The following DCDC2C variants were observed in gnomAD, a reference collection of about 807,000 sequenced individuals.
The protein encoded by DCDC2C is doublecortin domain-containing protein 2C.
DCDC2C carries 44 observed loss-of-function variants against 45.0 expected under a neutral mutation model. That is an observed-to-expected ratio of 0.98 (90% CI 0.77 to 1.26). DCDC2C has a LOEUF of 1.26. DCDC2C is among the 50% of genes most tolerant of loss of function. The probability of loss-of-function intolerance (pLI) is 0.00; values close to 1 mark genes in which losing one functional copy is unlikely to be tolerated. For missense variants in DCDC2C, 447 were observed against 468.9 expected, an observed-to-expected ratio of 0.95 and a Z score of 0.43; for synonymous variants, 187 against 178.8, an observed-to-expected ratio of 1.05 and a Z score of -0.37.
chr2:3,732,582 T>C (rs1293922495), intron 3 of DCDC2C, among the ~76,000 whole-genome samples: 1 of 152,180 alleles, frequency 6.6e-6, no homozygotes, highest in Non-Finnish European at 1.5e-5. Flanking sequence ...GATCTCATAC[T>C]TTCAAACTGT....
intron 10 of DCDC2C, among the ~76,000 whole-genome samples, chr2:3,808,389 G>A (rs928956548): frequency 2.6e-5 from 4 of 151,882 alleles, no homozygotes; most frequent in Non-Finnish European, 5.9e-5. Context: ...TGAGAGCTCT[G>A]TTTGAAAATT....
At chr2:3,750,005 C>T (rs1005215183) in intron 4 of DCDC2C, among the ~76,000 whole-genome samples, 5 of 151,986 alleles carry the variant, frequency 3.3e-5, no homozygotes, top group Admixed American at 1.3e-4. Flanking sequence ...CCTCTACCCC[C>T]CTCCACCCCA....
chr2:3,823,166 T>G (rs1392268902), intron 10 of DCDC2C, among the ~76,000 whole-genome samples: 1 of 152,242 alleles, frequency 6.6e-6, no homozygotes, highest in Non-Finnish European at 1.5e-5. Flanking sequence ...CTGTAAATTT[T>G]ATTGTGTTTT....
At chr2:3,805,529 T>C (rs1363102122) in intron 10 of DCDC2C, among the ~76,000 whole-genome samples, 1 of 152,238 alleles carries the variant, frequency 6.6e-6, no homozygotes, top group African/African-American at 2.4e-5. Flanking sequence ...TCAGCTGCAG[T>C]GACCCTTGAA....
At position 3,703,824 on chromosome 2, in the gene DCDC2C, G is replaced by A; in HGVS notation, c.73G>A (p.Asp25Asn). 1 of 1,265,666 alleles carries A rather than the reference G, an allele frequency of 7.9e-7. No homozygotes were observed. Among genetic ancestry groups the A allele is most frequent in the Non-Finnish European group, 1.0e-6 (1 of 1,001,350 alleles). The allele number at this position is 1,265,666 out of a possible 1,614,324, so 78.4% of individuals were successfully genotyped here. Residue 25 changes from aspartate (D) to asparagine (N), a missense_variant, in exon 1 of 11, where the codon GAC becomes AAC. Transcript: ENST00000399143. This position sits in a 1 kb window ranked among gnomAD's most constrained non-coding sequence, Gnocchi z 4.4. The stretch of plus-strand genomic sequence containing the variant: ...GACCATCGTGGTGTACCGCAACGGG[G>A]ACCCGTTCTACGTGGGCAAGAAGTT... The part of the protein sequence containing the change: ...AKTIVVYRNG[D>N]PFYVGKKFVL...
chr2:3,846,292 G>T (rs11679758), intron 10 of DCDC2C, among the ~76,000 whole-genome samples: 18,054 of 146,150 alleles, frequency 0.12, 1,357 homozygotes, highest in East Asian at 0.41. Flanking sequence ...CCTCCTCCTT[G>T]TTCTTGTGAC....
At chr2:3,826,332 A>G (rs1025475050) in intron 10 of DCDC2C, among the ~76,000 whole-genome samples, 11 of 152,140 alleles carry the variant, frequency 7.2e-5, no homozygotes, top group African/African-American at 2.7e-4. Flanking sequence ...TTTTCCAATT[A>G]TAGTTTTAAA....
chr2:3,835,234 G>A (rs1286308955), intron 10 of DCDC2C, among the ~76,000 whole-genome samples: 2 of 152,310 alleles, frequency 1.3e-5, no homozygotes, highest in East Asian at 3.9e-4. Flanking sequence ...TTACTTTTAA[G>A]AATGTGTGAA....
At chr2:3,834,157 C>T (rs184470220) in intron 10 of DCDC2C, among the ~76,000 whole-genome samples, 1 of 146,072 alleles carries the variant, frequency 6.8e-6, no homozygotes, top group Non-Finnish European at 1.5e-5. Context: ...CAGAGTGGTA[C>T]ATTTGTTACA....
intron 2 of DCDC2C, among the ~76,000 whole-genome samples, chr2:3,716,566 A>G (rs79388923): frequency 0.02 from 3,059 of 152,294 alleles, 45 homozygotes; most frequent in Non-Finnish European, 0.033. Context: ...AGAGAAATGT[A>G]GAGGTAACTG....
At chr2:3,799,355 C>A (rs1671046600) in intron 10 of DCDC2C, among the ~76,000 whole-genome samples, 1 of 151,864 alleles carries the variant, frequency 6.6e-6, no homozygotes, top group East Asian at 1.9e-4. Flanking sequence ...TCATCTGAAG[C>A]CTTCTCTCAG....
chr2:3,794,930 G>A (rs2148194403), intron 10 of DCDC2C, among the ~76,000 whole-genome samples: 1 of 152,204 alleles, frequency 6.6e-6, no homozygotes, highest in South Asian at 2.1e-4. Flanking sequence ...GATCCCTGAG[G>A]AATCGCCACA....
At chr2:3,788,260 T>C (rs1213310388) in intron 10 of DCDC2C, 3 of 152,248 alleles carry the variant, frequency 2.0e-5, no homozygotes, top group African/African-American at 7.2e-5. Flanking sequence ...AACTACAATC[T>C]TAAATCATGA....
At chr2:3,750,009 C>T (rs60398493) in intron 4 of DCDC2C, among the ~76,000 whole-genome samples, 3,230 of 152,024 alleles carry the variant, frequency 0.021, 116 homozygotes, top group African/African-American at 0.073. Flanking sequence ...TACCCCCCTC[C>T]ACCCCAAGCC....
chr2:3,773,757 A>G (rs972441393), intron 8 of DCDC2C, among the ~76,000 whole-genome samples: 2 of 152,200 alleles, frequency 1.3e-5, no homozygotes, highest in African/African-American at 4.8e-5. Context: ...TCTAGAATTT[A>G]CTCTGAACAT....
At chr2:3,718,980 G>A (rs1402777132) in intron 2 of DCDC2C, among the ~76,000 whole-genome samples, 2 of 152,170 alleles carry the variant, frequency 1.3e-5, no homozygotes, top group Non-Finnish European at 2.9e-5. Context: ...CAACCCTCTT[G>A]TAAGACAGGA....
chr2:3,738,539 GGAAAAAAAAAAAAAAAA>G (rs748589241), intron 3 of DCDC2C, among the ~76,000 whole-genome samples: 2 of 55,248 alleles, frequency 3.6e-5, no homozygotes, highest in East Asian at 6.1e-4. Flanking sequence ...GGTCTATCTG[GGAAAAAAAAAAAAAAAA>G]AAAAAAAAAA....
At chr2:3,806,749 A>G (rs1671257554) in intron 10 of DCDC2C, among the ~76,000 whole-genome samples, 2 of 151,806 alleles carry the variant, frequency 1.3e-5, no homozygotes, top group East Asian at 1.9e-4. Flanking sequence ...GGGTTTCACC[A>G]TATTGGTCAG....
At chr2:3,730,456 CCAT>C (rs1430850374) in intron 3 of DCDC2C, among the ~76,000 whole-genome samples, 1 of 152,030 alleles carries the variant, frequency 6.6e-6, no homozygotes, top group Non-Finnish European at 1.5e-5. Flanking sequence ...CTGCTTGAGA[CCAT>C]CATTACGACA....
Sources: gnomAD v4.1 joint callset for allele counts (sites outside exome capture counted in the v4.1 genomes callset) on GRCh38, gnomAD v4.1.1 for gene constraint, Gnocchi (gnomAD v3.1) non-coding constraint, MANE v1.5 for transcripts, NCBI Gene and HGNC (gene_info 2026-07-23, HGNC 2026-07-21) for gene names.